LGR6: variants seen among roughly 807,000 people sequenced by gnomAD.
LGR6 encodes leucine rich repeat containing G protein-coupled receptor 6, also known as leucine-rich repeat-containing G protein-coupled receptor 6.
Under a neutral mutation model 69.4 loss-of-function variants are expected in LGR6, and 45 were observed. The observed-to-expected ratio is 0.65, with a 90% CI of 0.51 to 0.83. LGR6 has a LOEUF of 0.83. LGR6 is among the 40% of genes least tolerant of loss of function. The pLI is 0.00. For synonymous variants in LGR6, 538 were observed against 555.0 expected (o/e 0.97, Z 0.43); for missense variants, 1,108 against 1,246.7 (o/e 0.89, Z 1.68).
In LGR6 at chr1:202,276,340, G is replaced by A. The variant is rs760319959; in HGVS notation, c.463G>A (p.Glu155Lys). ...TGCCAACCTCATCTCCCTGGTCCCGGAGAGGAGCTTTGAGGGGCTGTCCTC... is the reference window on the plus strand; with the variant it reads ...TGCCAACCTCATCTCCCTGGTCCCGAAGAGGAGCTTTGAGGGGCTGTCCTC... ...LDANLISLVP[E>K]RSFEGLSSLR... The change falls in exon 5 of 18, where the codon GAG becomes AAG. Residue 155 changes from glutamate to lysine, a missense_variant. Coordinates refer to ENST00000367278, the MANE Select transcript of LGR6 (RefSeq NM_001017403.2). 1.9e-6 allele frequency: 3 copies of A among 1,614,134 alleles called. No individual in the cohort carries two copies. The highest frequency in any genetic ancestry group is 3.3e-5 in the Admixed American group (2 of 60,022).
chr1:202,248,259 C>G (rs1571890649), intron 4 of LGR6, among the ~76,000 whole-genome samples: 1 of 152,176 alleles, frequency 6.6e-6, no homozygotes, highest in East Asian at 1.9e-4. Flanking sequence ...GTGAGGAAAC[C>G]AAGCAGTTGA....
chr1:202,300,991 C>A, intron 8 of LGR6, 71 bp downstream of exon 8: 1 of 1,431,156 alleles, frequency 7.0e-7, no homozygotes, highest in Non-Finnish European at 9.8e-7. Context: ...GATGGGAAGG[C>A]AGGAGGGACT....
intron 1 of LGR6, among the ~76,000 whole-genome samples, chr1:202,216,661 C>T (rs1659805203): frequency 7.2e-6 from 1 of 139,238 alleles, no homozygotes; most frequent in African/African-American, 2.5e-5. Context: ...CAGAAGCAGT[C>T]CCCCATATTT....
chr1:202,303,417 G>A (rs1667753158), intron 10 of LGR6, 70 bp downstream of exon 10: 13 of 1,217,780 alleles, frequency 1.1e-5, no homozygotes, highest in Admixed American at 1.7e-5. Context: ...TCCACTCCCT[G>A]CCCCTGGAAG....
intron 3 of LGR6, among the ~76,000 whole-genome samples, chr1:202,232,756 C>T (rs932889396): frequency 5.9e-5 from 9 of 152,170 alleles, no homozygotes; most frequent in African/African-American, 2.2e-4. Context: ...AGAACCAGGG[C>T]TAGAAAAAGA....
Position 202,314,815 on chromosome 1 carries a change from G to A in LGR6, c.1581G>A (p.Leu527=), listed in dbSNP as rs1236913873. ...CTCTCCTTTCAGATGACCAGGACCTGGATGAGCTCCAGCTGGAGATGGAGG... is the reference window on the plus strand; with the variant it reads ...CTCTCCTTTCAGATGACCAGGACCTAGATGAGCTCCAGCTGGAGATGGAGG... ...RQAENHYDQD[L]DELQLEMEDS... The change falls in exon 17 of 18, where the codon CTG becomes CTA. Residue 527 remains leucine, a synonymous_variant. Transcript: ENST00000367278. 1 of 1,613,876 alleles carries A rather than the reference G, an allele frequency of 6.2e-7. No homozygotes were observed. The highest frequency in any genetic ancestry group is 8.5e-7 in the Non-Finnish European group (1 of 1,179,764).
Position 202,309,036 on chromosome 1 carries a change from C to T in LGR6, c.1281-15C>T, listed in dbSNP as rs756992512. 9.9e-5 allele frequency: 159 copies of T among 1,613,438 alleles called. 1 individual carries two copies. The highest frequency in any genetic ancestry group is 1.3e-4 in the Non-Finnish European group (155 of 1,179,796). ...CCCACTGACTGCCAATAACCCTGACCATCCACTGTCCTAGGGACCTGACAG... is the reference window on the plus strand; with the variant it reads ...CCCACTGACTGCCAATAACCCTGACTATCCACTGTCCTAGGGACCTGACAG... On this transcript the variant is annotated splice_polypyrimidine_tract_variant and intron_variant, in intron 14 of 17. Coordinates refer to ENST00000367278, the MANE Select transcript of LGR6 (RefSeq NM_001017403.2).
chr1:202,281,291 T>C (rs995422975), intron 6 of LGR6, among the ~76,000 whole-genome samples: 28 of 152,168 alleles, frequency 1.8e-4, no homozygotes, highest in African/African-American at 6.5e-4. Flanking sequence ...AGAGTAATAC[T>C]GCAGAGTAAT....
intron 1 of LGR6, among the ~76,000 whole-genome samples, chr1:202,224,320 G>A (rs921634861): frequency 5.3e-5 from 8 of 152,144 alleles, no homozygotes; most frequent in East Asian, 1.9e-4. Flanking sequence ...CCTCTAAGAG[G>A]ACAGTGACAC....
At chr1:202,207,868 T>A (rs183705352) in intron 1 of LGR6, among the ~76,000 whole-genome samples, 1 of 152,356 alleles carries the variant, frequency 6.6e-6, no homozygotes, top group African/African-American at 2.4e-5. Context: ...CCTGTGAATA[T>A]GTATTAAGTA....
intron 1 of LGR6, among the ~76,000 whole-genome samples, chr1:202,213,817 A>G (rs182203092): frequency 1.3e-5 from 2 of 152,338 alleles, no homozygotes; most frequent in South Asian, 2.1e-4. Context: ...TGTTAGGGCC[A>G]AGATACAAAC....
intron 4 of LGR6, among the ~76,000 whole-genome samples, chr1:202,253,010 CA>C (rs1197544845): frequency 6.6e-6 from 1 of 152,208 alleles, no homozygotes; most frequent in African/African-American, 2.4e-5. Flanking sequence ...AGTCATGGCT[CA>C]GTCTGGGGAC....
intron 9 of LGR6, 110 bp downstream of exon 9, chr1:202,301,345 C>T: frequency 1.1e-6 from 1 of 915,582 alleles, no homozygotes; most frequent in Admixed American, 2.0e-5. Context: ...GGCACAAGTC[C>T]ACTGCAAAGC....
intron 17 of LGR6, among the ~76,000 whole-genome samples, chr1:202,317,058 C>G (rs1235585103): frequency 6.6e-6 from 1 of 152,160 alleles, no homozygotes; most frequent in Non-Finnish European, 1.5e-5. Context: ...CAAGGGAGAG[C>G]CAGCCTGGTA....
chr1:202,288,197 C>T (rs1487750903), intron 6 of LGR6, among the ~76,000 whole-genome samples: 1 of 152,156 alleles, frequency 6.6e-6, no homozygotes, highest in East Asian at 1.9e-4. Flanking sequence ...ACATGGTTTA[C>T]TTCCTCACCT....
rs1225038701 is a variant in LGR6 at position 202,318,730 on chromosome 1, G to A, written c.2427G>A (p.Lys809=). Residue 809 remains lysine (K), a synonymous_variant, in exon 18 of 18, where the codon AAG becomes AAA. Transcript: ENST00000367278. ...TCCCTGTCACGCCCGAGGCCGTCAA[G>A]TCTGTCCTGCTGGTGGTGCTGCCCC... ...GLFPVTPEAV[K]SVLLVVLPLP... 1.2e-6 allele frequency: 2 copies of A among 1,613,414 alleles called. No homozygotes were observed. The highest frequency in any genetic ancestry group is 1.7e-6 in the Non-Finnish European group (2 of 1,180,006).
At position 202,310,406 on chromosome 1, in the gene LGR6, G is replaced by A. The variant is rs373525663; in HGVS notation, c.1567+49G>A. The stretch of plus-strand genomic sequence containing the variant: ...TGGGGAGGGTAGTGGGCTGTGGAGA[G>A]GAAGTTAGAGGGGATGCTTGGGGGA... On this transcript the variant is annotated intron_variant, in intron 16 of 17. Transcript: ENST00000367278. 736 of 1,562,892 alleles carry A rather than the reference G, an allele frequency of 4.7e-4. 11 individuals are homozygous for A. In the South Asian group the frequency reaches 6.1e-3, roughly 13 times the overall value.
At chr1:202,230,629 G>A (rs1225493853) in intron 3 of LGR6, among the ~76,000 whole-genome samples, 1 of 152,188 alleles carries the variant, frequency 6.6e-6, no homozygotes, top group Non-Finnish European at 1.5e-5. Context: ...GTGGACTAAG[G>A]GTGTGGGGAT....
At chr1:202,248,004 C>T (rs773015299) in intron 4 of LGR6, among the ~76,000 whole-genome samples, 6 of 152,164 alleles carry the variant, frequency 3.9e-5, no homozygotes, top group African/African-American at 7.2e-5. Flanking sequence ...TGATCTTTTT[C>T]GAGAGCGTGT....
Sources: gnomAD v4.1 joint callset for allele counts (sites outside exome capture counted in the v4.1 genomes callset) on GRCh38, gnomAD v4.1.1 for gene constraint, MANE v1.5 for transcripts, NCBI Gene and HGNC (gene_info 2026-07-23, HGNC 2026-07-21) for gene names.